The following TCF12 variants were observed in gnomAD, a reference collection of about 807,000 sequenced individuals.
TCF12 encodes the protein DNA-binding protein HTF4.
A neutral mutation model predicts 86.0 loss-of-function variants in TCF12; 45 were observed. That is an observed-to-expected ratio of 0.52 (90% CI 0.41 to 0.67). The LOEUF is 0.67. Ranked by LOEUF, TCF12 falls within the 30% of genes least tolerant of loss-of-function variation. The pLI is 0.00. For synonymous variants in TCF12, 330 were observed against 299.6 expected, an observed-to-expected ratio of 1.10 and a Z score of -1.05; for missense variants, 881 against 859.9, an observed-to-expected ratio of 1.02 and a Z score of -0.31.
intron 7 of TCF12, among the ~76,000 whole-genome samples, chr15:57,195,269 T>G (rs1452638326): frequency 6.6e-6 from 1 of 152,248 alleles, no homozygotes; most frequent in Non-Finnish European, 1.5e-5. Context: ...CTCATGATTT[T>G]AAATCAGACA....
chr15:57,212,899 T>G (rs1597358141), intron 8 of TCF12, among the ~76,000 whole-genome samples: 1 of 152,204 alleles, frequency 6.6e-6, no homozygotes, highest in African/African-American at 2.4e-5. Context: ...TTACATGATA[T>G]AACTCCACAG....
chr15:57,084,175 T>C (rs187074169), intron 4 of TCF12, among the ~76,000 whole-genome samples: 3 of 152,340 alleles, frequency 2.0e-5, no homozygotes, highest in Non-Finnish European at 4.4e-5. Context: ...ATACGAGCAG[T>C]TATATGCTCA....
intron 8 of TCF12, among the ~76,000 whole-genome samples, chr15:57,202,204 A>T (rs2057576115): frequency 6.6e-6 from 1 of 152,164 alleles, no homozygotes; most frequent in Non-Finnish European, 1.5e-5. Flanking sequence ...ACCTAACTTA[A>T]TATCAAACAC....
chr15:57,080,091 A>G (rs1050185605), intron 4 of TCF12, among the ~76,000 whole-genome samples: 8 of 152,222 alleles, frequency 5.3e-5, no homozygotes, highest in African/African-American at 1.9e-4. Flanking sequence ...GAAAAACCTG[A>G]TTAGTTACTT....
chr15:57,156,100 A>C (rs2054092303), intron 5 of TCF12, among the ~76,000 whole-genome samples: 1 of 152,196 alleles, frequency 6.6e-6, no homozygotes, highest in Admixed American at 6.5e-5. Flanking sequence ...TCACAGCTAA[A>C]TGTCTCAAAA....
At chr15:57,096,241 T>C (rs2049312862) in intron 5 of TCF12, among the ~76,000 whole-genome samples, 1 of 152,176 alleles carries the variant, frequency 6.6e-6, no homozygotes, top group Non-Finnish European at 1.5e-5. Flanking sequence ...CTTTGGAATG[T>C]TAAAGACTCT....
In TCF12 at chr15:57,108,938, G is replaced by A. The variant is rs371648277; in HGVS notation, c.325+17047G>A. On this transcript the variant is annotated intron_variant, in intron 5 of 20. Coordinates refer to ENST00000333725, the MANE Select transcript of TCF12 (RefSeq NM_207037.2). ...TCTTTTAAAATTATAATAAACTATGGTGAATTATAAATTTAAGGTTTTCAG... is the reference window on the plus strand; with the variant it reads ...TCTTTTAAAATTATAATAAACTATGATGAATTATAAATTTAAGGTTTTCAG... 7.9e-5 allele frequency among the ~76,000 whole-genome samples: 12 copies of A among 152,212 alleles called. 1 individual carries two copies. In the East Asian group the frequency reaches 2.1e-3, roughly 27 times the overall value.
At chr15:57,007,755 CTTCTTTCT>C (rs61173765) in intron 3 of TCF12, among the ~76,000 whole-genome samples, 39 of 83,978 alleles carry the variant, frequency 4.6e-4, no homozygotes, top group African/African-American at 1.3e-3. Context: ...AATATTTTTC[CTTCTTTCT>C]TTCTTTCTTT....
At chr15:57,133,163 C>CAT (rs1307542835) in intron 5 of TCF12, among the ~76,000 whole-genome samples, 2 of 152,296 alleles carry the variant, frequency 1.3e-5, no homozygotes, top group East Asian at 3.9e-4. Flanking sequence ...ACAAGCCTTG[C>CAT]ATGCCAACTT....
At chr15:56,935,400 T>C (rs2060425099) in intron 3 of TCF12, among the ~76,000 whole-genome samples, 1 of 152,168 alleles carries the variant, frequency 6.6e-6, no homozygotes, top group Admixed American at 6.5e-5. Flanking sequence ...GGATACCTTC[T>C]CACTGTGCCC....
At chr15:57,285,887 C>T (rs1178546416) in intron 20 of TCF12, among the ~76,000 whole-genome samples, 1 of 152,156 alleles carries the variant, frequency 6.6e-6, no homozygotes, top group Admixed American at 6.5e-5. Context: ...ATGATCATGC[C>T]ACTGCGCTCC....
At position 57,030,636 on chromosome 15, in the gene TCF12, C is replaced by T. The variant is rs532720590; in HGVS notation, c.149-33114C>T. ...AATTGAAAAATAGGAAAACTATCGCCCATTGTCTTTCTGCTGAAACTCAAA... is the reference window on the plus strand; with the variant it reads ...AATTGAAAAATAGGAAAACTATCGCTCATTGTCTTTCTGCTGAAACTCAAA... On this transcript the variant is annotated intron_variant, in intron 3 of 20. Coordinates refer to ENST00000333725, the MANE Select transcript of TCF12 (RefSeq NM_207037.2). Among the ~76,000 whole-genome samples the T allele has an allele frequency of 3.2e-3, 493 of 152,082 alleles. 1 individual carries two copies. The highest frequency in any genetic ancestry group is 6.0e-3 in the Non-Finnish European group (409 of 67,998).
chr15:57,226,603 G>T (rs1446374336), intron 8 of TCF12, among the ~76,000 whole-genome samples: 1 of 152,074 alleles, frequency 6.6e-6, no homozygotes, highest in Non-Finnish European at 1.5e-5. Context: ...GTTCTGTGTT[G>T]GACCATGTTC....
At chr15:56,921,681 C>G (rs1595686373) in intron 3 of TCF12, among the ~76,000 whole-genome samples, 1 of 151,808 alleles carries the variant, frequency 6.6e-6, no homozygotes, top group African/African-American at 2.4e-5. Flanking sequence ...ATAACTAAAG[C>G]CATGACAGCA....
chr15:57,156,880 A>G (rs1159606070), intron 5 of TCF12, among the ~76,000 whole-genome samples: 1 of 152,230 alleles, frequency 6.6e-6, no homozygotes, highest in Non-Finnish European at 1.5e-5. Flanking sequence ...TTATCATTGT[A>G]TAATGCAAGA....
chr15:56,942,995 A>G (rs576880944), intron 3 of TCF12, among the ~76,000 whole-genome samples: 115 of 152,312 alleles, frequency 7.6e-4, no homozygotes, highest in Admixed American at 1.6e-3. Context: ...ACATAAGCCT[A>G]AGCTAAAAAA....
intron 8 of TCF12, among the ~76,000 whole-genome samples, chr15:57,205,337 A>G (rs1248134440): frequency 6.6e-6 from 1 of 152,150 alleles, no homozygotes; most frequent in African/African-American, 2.4e-5. Context: ...CAATTATCCA[A>G]GGCCCTTAAG....
chr15:57,022,607 G>A (rs1179186126), intron 3 of TCF12, among the ~76,000 whole-genome samples: 1 of 152,148 alleles, frequency 6.6e-6, no homozygotes, highest in African/African-American at 2.4e-5. Flanking sequence ...GGGTCAAATG[G>A]TATTTCTAGT....
chr15:56,954,894 G>C (rs1049159378), intron 3 of TCF12, among the ~76,000 whole-genome samples: 33 of 152,154 alleles, frequency 2.2e-4, no homozygotes, highest in Non-Finnish European at 1.5e-5. Context: ...TAAAAAGTTA[G>C]GAAACAACAG....
Sources: gnomAD v4.1 joint callset for allele counts (sites outside exome capture counted in the v4.1 genomes callset) on GRCh38, gnomAD v4.1.1 for gene constraint, MANE v1.5 for transcripts, NCBI Gene and HGNC (gene_info 2026-07-23, HGNC 2026-07-21) for gene names.